Variants in SLC9A2 observed in about 807,000 individuals in gnomAD.
SLC9A2 encodes solute carrier family 9 member A2.
Under a neutral mutation model 71.7 loss-of-function variants are expected in SLC9A2, and 42 were observed. That is an observed-to-expected ratio of 0.59 (90% CI 0.46 to 0.76). The LOEUF is 0.76. Among genes scored for constraint, SLC9A2 ranks in the 30% least tolerant of loss-of-function variants. The pLI is 0.00. For missense variants in SLC9A2, 829 were observed against 1,017.4 expected (o/e 0.81, Z 2.52); for synonymous variants, 396 against 392.5 (o/e 1.01, Z -0.10).
intron 10 of SLC9A2, 118 bp from the exon 11 acceptor site, chr2:102,705,728 G>T: frequency 1.8e-6 from 1 of 560,636 alleles, no homozygotes; most frequent in South Asian, 3.2e-5. Flanking sequence ...AGTAATTTTG[G>T]AATCAGAAAT....
chr2:102,655,239 C>T (rs2104518059), intron 1 of SLC9A2, among the ~76,000 whole-genome samples: 1 of 135,948 alleles, frequency 7.4e-6, no homozygotes, highest in Middle Eastern at 4.2e-3. Context: ...GTTCAACTTC[C>T]ATCTCCTGGA....
intron 1 of SLC9A2, among the ~76,000 whole-genome samples, chr2:102,622,952 G>A (rs1157339862): frequency 1.3e-5 from 2 of 152,184 alleles, no homozygotes; most frequent in Non-Finnish European, 2.9e-5. Flanking sequence ...CTCTCTTGCT[G>A]TCCTGTTCCA....
intron 8 of SLC9A2, 99 bp from the exon 9 acceptor site, chr2:102,702,307 A>G (rs778254947): frequency 7.5e-5 from 51 of 680,420 alleles, no homozygotes; most frequent in Admixed American, 4.1e-4. Context: ...TATTTTTACA[A>G]ATTAAGACTT....
intron 1 of SLC9A2, among the ~76,000 whole-genome samples, chr2:102,645,797 A>G (rs1003263794): frequency 1.2e-4 from 19 of 152,168 alleles, no homozygotes; most frequent in African/African-American, 4.1e-4. Flanking sequence ...GAAATATGGG[A>G]CTATGTGAAA....
rs1678059366 is a variant in SLC9A2, at chr2:102,709,394, G to T, written c.*905G>T. 6.6e-6 allele frequency: 1 copy of T among 152,574 alleles called. No homozygotes were observed. Among genetic ancestry groups the T allele is most frequent in the African/African-American group, 2.4e-5 (1 of 41,440 alleles). The allele number at this position is 152,574 out of a possible 1,614,324, so 9.5% of individuals were successfully genotyped here. A position where few individuals can be genotyped will look rare whatever the true frequency, so the allele number is the denominator to read the frequency against. On this transcript the variant is annotated 3_prime_UTR_variant, in exon 12 of 12. Coordinates refer to ENST00000233969, the MANE Select transcript of SLC9A2 (RefSeq NM_003048.6). ...GGTTTTATGTTGTGCAATACTAGGA[G>T]GAGGAGGCAGGTGATCTATGCTGAT...
intron 1 of SLC9A2, among the ~76,000 whole-genome samples, chr2:102,651,178 C>A (rs1676826187): frequency 6.6e-6 from 1 of 152,198 alleles, no homozygotes; most frequent in Non-Finnish European, 1.5e-5. Context: ...GGAAGCCACT[C>A]TCAGCCCTCT....
intron 7 of SLC9A2, among the ~76,000 whole-genome samples, chr2:102,700,224 G>A (rs931368736): frequency 6.6e-6 from 1 of 152,190 alleles, no homozygotes; most frequent in Non-Finnish European, 1.5e-5. Flanking sequence ...CAGATGTTGA[G>A]TAAGTAGCCA....
chr2:102,663,605 C>T (rs999840031), intron 2 of SLC9A2, among the ~76,000 whole-genome samples: 2 of 152,216 alleles, frequency 1.3e-5, no homozygotes, highest in African/African-American at 2.4e-5. Flanking sequence ...ATCAGGAGGT[C>T]AGGAGACTTG....
chr2:102,621,576 T>G (rs1256817281), intron 1 of SLC9A2, among the ~76,000 whole-genome samples: 1 of 152,182 alleles, frequency 6.6e-6, no homozygotes, highest in Non-Finnish European at 1.5e-5. Context: ...AGTTGTTAGG[T>G]CCAAAGAATG....
intron 1 of SLC9A2, among the ~76,000 whole-genome samples, chr2:102,650,317 CT>C (rs1676806930): frequency 6.6e-6 from 1 of 151,848 alleles, no homozygotes; most frequent in Non-Finnish European, 1.5e-5. Flanking sequence ...ACACTGGGGC[CT>C]GTTGGTGGGG....
chr2:102,700,332 C>A (rs1023972041), intron 7 of SLC9A2, among the ~76,000 whole-genome samples: 3 of 152,176 alleles, frequency 2.0e-5, no homozygotes, highest in African/African-American at 7.2e-5. Flanking sequence ...GGAGACTGGG[C>A]AAGATGGTGA....
intron 3 of SLC9A2, among the ~76,000 whole-genome samples, chr2:102,665,826 A>G (rs1423543479): frequency 1.3e-5 from 2 of 148,850 alleles, no homozygotes; most frequent in African/African-American, 2.4e-5. Context: ...TTTGTTACAA[A>G]GAAATGGAAA....
intron 5 of SLC9A2, among the ~76,000 whole-genome samples, chr2:102,684,642 A>C (rs2104540775): frequency 6.6e-6 from 1 of 152,320 alleles, no homozygotes; most frequent in East Asian, 1.9e-4. Context: ...TAGTGAATGC[A>C]CTTGTTAAAT....
At chr2:102,650,186 G>A (rs902397048) in intron 1 of SLC9A2, among the ~76,000 whole-genome samples, 11 of 152,280 alleles carry the variant, frequency 7.2e-5, no homozygotes, top group East Asian at 1.9e-4. Context: ...GGATGAAGCC[G>A]GAAACCATCA....
Position 102,653,835 on chromosome 2 carries a change from T to G in SLC9A2, c.290-3729T>G, listed in dbSNP as rs188640704. 1.3e-3 allele frequency among the ~76,000 whole-genome samples: 197 copies of G among 152,340 alleles called. 1 individual carries two copies. Among genetic ancestry groups the G allele is most frequent in the African/African-American group, 4.2e-3 (174 of 41,580 alleles). ...TGGCTTCTGTGCATTTCTTTAAAAC[T>G]GTTTTCTCTTGCCTTCTTACATATA... On this transcript the variant is annotated intron_variant, in intron 1 of 11. Coordinates refer to ENST00000233969, the MANE Select transcript of SLC9A2 (RefSeq NM_003048.6).
intron 6 of SLC9A2, among the ~76,000 whole-genome samples, chr2:102,694,823 T>C (rs2104548705): frequency 6.6e-6 from 1 of 152,278 alleles, no homozygotes; most frequent in East Asian, 1.9e-4. Context: ...AACAAACTTA[T>C]AGGTGAGCAA....
At chr2:102,625,471 T>TC (rs1316360982) in intron 1 of SLC9A2, among the ~76,000 whole-genome samples, 1 of 121,706 alleles carries the variant, frequency 8.2e-6, no homozygotes, top group Non-Finnish European at 1.7e-5. Flanking sequence ...ACCTCCCCCC[T>TC]CCCCCCACCG....
At chr2:102,643,735 T>G (rs1472270260) in intron 1 of SLC9A2, among the ~76,000 whole-genome samples, 1 of 152,046 alleles carries the variant, frequency 6.6e-6, no homozygotes, top group Non-Finnish European at 1.5e-5. Flanking sequence ...CAGCAATCTG[T>G]TTTTTTCTGC....
intron 1 of SLC9A2, among the ~76,000 whole-genome samples, chr2:102,637,520 C>A (rs1032653589): frequency 1.3e-5 from 2 of 152,136 alleles, no homozygotes; most frequent in Admixed American, 6.5e-5. Flanking sequence ...GTGAGGTGAC[C>A]AGGGCATGAG....
Sources: allele counts gnomAD v4.1 joint callset (sites outside exome capture counted in the v4.1 genomes callset), GRCh38; gene constraint gnomAD v4.1.1; transcripts MANE v1.5; gene names NCBI Gene and HGNC (gene_info 2026-07-23, HGNC 2026-07-21).